Variants in P2RY6 observed in about 807,000 individuals in gnomAD.
The protein encoded by P2RY6 is P2Y purinoceptor 6.
Under a neutral mutation model 16.3 loss-of-function variants are expected in P2RY6, and 19 were observed. The observed-to-expected ratio is 1.16, with a 90% CI of 0.81 to 1.71. The LOEUF (loss-of-function observed/expected upper bound fraction) is 1.71. P2RY6 is among the 40% of genes most tolerant of loss of function. The pLI, the probability that P2RY6 is intolerant of heterozygous loss-of-function variation, is 0.00. For missense variants in P2RY6, 389 were observed against 455.5 expected (o/e 0.85, Z 1.33); for synonymous variants, 184 against 201.5 (o/e 0.91, Z 0.74).
upstream of P2RY6, among the ~76,000 whole-genome samples, chr11:73,268,763 G>T (rs1178994432): frequency 6.6e-6 from 1 of 152,224 alleles, no homozygotes; most frequent in African/African-American, 2.4e-5. Flanking sequence ...CCAGGGCTAG[G>T]CAGCCTCCTG....
At chr11:73,291,043 C>T (rs980835730) in intron 1 of P2RY6, among the ~76,000 whole-genome samples, 12 of 152,322 alleles carry the variant, frequency 7.9e-5, no homozygotes, top group African/African-American at 2.9e-4. Flanking sequence ...CTTGTATGTC[C>T]TTGAACCCCT....
At chr11:73,291,374 G>A (rs939393015) in intron 1 of P2RY6, among the ~76,000 whole-genome samples, 3 of 152,150 alleles carry the variant, frequency 2.0e-5, no homozygotes, top group African/African-American at 4.8e-5. Context: ...GACCCGCCCT[G>A]CTGGGAGTGG....
At chr11:73,268,163 C>A (rs1863167356), upstream of P2RY6, among the ~76,000 whole-genome samples, 1 of 152,228 alleles carries the variant, frequency 6.6e-6, no homozygotes, top group African/African-American at 2.4e-5. Context: ...GCTGTGCATG[C>A]ACCAGTGCAG....
intron 1 of P2RY6, among the ~76,000 whole-genome samples, chr11:73,265,014 CAG>C (rs2135671792): frequency 6.6e-6 from 1 of 152,344 alleles, no homozygotes; most frequent in East Asian, 1.9e-4. Flanking sequence ...TGGGGTAACA[CAG>C]GGGTCCACGG....
In P2RY6 at chr11:73,297,190, C is replaced by A. The variant is rs780956300; in HGVS notation, c.672C>A (p.Gly224=). ...LLACRLCRQD[G]PAEPVAQERR... The stretch of plus-strand genomic sequence containing the variant: ...CCTGCCGCCTGTGCCGCCAGGATGG[C>A]CCGGCAGAGCCTGTGGCCCAGGAGC... Residue 224 remains glycine (G), a synonymous_variant, in exon 3 of 3, where the codon GGC becomes GGA. Coordinates refer to ENST00000540124, the MANE Select transcript of P2RY6 (RefSeq NM_001277204.2). 2.5e-6 allele frequency: 4 copies of A among 1,603,592 alleles called. No individual in the cohort carries two copies. The highest frequency in any genetic ancestry group is 3.4e-6 in the Non-Finnish European group (4 of 1,179,560).
chr11:73,292,003 G>C lies in P2RY6; in HGVS notation c.-120-3727G>C, dbSNP rs547708515. On this transcript the variant is annotated intron_variant, in intron 1 of 2. Transcript: ENST00000540124. The stretch of plus-strand genomic sequence containing the variant: ...CTCCAGGTCGCCCTCTTGGAATGCT[G>C]CTTCCCCCTCTGGAGCTGGCCTCCC... Among the ~76,000 whole-genome samples the C allele has an allele frequency of 2.0e-5, 3 of 152,348 alleles. No individual in the cohort carries two copies. In the South Asian group the frequency reaches 6.2e-4, roughly 32 times the overall value.
chr11:73,289,446 T>G (rs1864104316), intron 1 of P2RY6: 1 of 152,326 alleles, frequency 6.6e-6, no homozygotes, highest in Non-Finnish European at 1.5e-5. Flanking sequence ...GGTGAGGACC[T>G]GAGAACGAGA....
chr11:73,290,303 A>AAAGAAAAGAAAG (rs1260016714), intron 1 of P2RY6, among the ~76,000 whole-genome samples: 35 of 113,110 alleles, frequency 3.1e-4, no homozygotes, highest in Admixed American at 6.0e-4. Context: ...AGAAAGAAAG[A>AAAGAAAAGAAAG]AAAGAAAGAA....
intron 1 of P2RY6, among the ~76,000 whole-genome samples, chr11:73,274,350 G>A (rs1251034652): frequency 1.3e-4 from 20 of 152,138 alleles, no homozygotes; most frequent in Admixed American, 1.3e-3. Flanking sequence ...TGAGCTGAAA[G>A]AGAAAGTTAA....
chr11:73,277,904 A>G (rs759486120), intron 1 of P2RY6, among the ~76,000 whole-genome samples: 7 of 152,192 alleles, frequency 4.6e-5, no homozygotes, highest in Non-Finnish European at 8.8e-5. Flanking sequence ...TGCTCACAAG[A>G]CTTGCAGAAA....
chr11:73,279,606 T>G (rs1260393533), intron 1 of P2RY6, among the ~76,000 whole-genome samples: 1 of 152,244 alleles, frequency 6.6e-6, no homozygotes, highest in Non-Finnish European at 1.5e-5. Flanking sequence ...ACTGGGTTCC[T>G]ACATTCTCAC....
At chr11:73,268,317 T>C (rs1863172963), upstream of P2RY6, among the ~76,000 whole-genome samples, 1 of 152,174 alleles carries the variant, frequency 6.6e-6, no homozygotes, top group Non-Finnish European at 1.5e-5. Context: ...AAAACCTCTG[T>C]GGCTCAGCAA....
At chr11:73,290,303 A>AAAAGAAAGAAAGAAAGAAAAGAAAG (rs1864161681) in intron 1 of P2RY6, among the ~76,000 whole-genome samples, 2 of 113,112 alleles carry the variant, frequency 1.8e-5, no homozygotes, top group South Asian at 5.4e-4. Context: ...AGAAAGAAAG[A>AAAAGAAAGAAAGAAAGAAAAGAAAG]AAAGAAAGAA....
At chr11:73,266,195 T>C (rs1863096801) in intron 1 of P2RY6, among the ~76,000 whole-genome samples, 2 of 152,154 alleles carry the variant, frequency 1.3e-5, no homozygotes, top group South Asian at 4.1e-4. Context: ...ACTGAATCCT[T>C]GTTGAATTCT....
intron 1 of P2RY6, among the ~76,000 whole-genome samples, chr11:73,277,820 A>C (rs752541961): frequency 1.3e-5 from 2 of 152,304 alleles, no homozygotes; most frequent in African/African-American, 2.4e-5. Flanking sequence ...CACTATCTCT[A>C]TCTTTATCTT....
At chr11:73,296,233 A>AAATATAT (rs57187973) in intron 2 of P2RY6, among the ~76,000 whole-genome samples, 73 of 124,480 alleles carry the variant, frequency 5.9e-4, no homozygotes, top group African/African-American at 1.5e-3. Context: ...GAAAAAAAAA[A>AAATATAT]ATATATATAT....
intron 1 of P2RY6, among the ~76,000 whole-genome samples, chr11:73,295,190 C>A (rs1471800553): frequency 6.6e-6 from 1 of 152,186 alleles, no homozygotes. Context: ...CATCAGGGAA[C>A]CCCTTAGGGT....
At chr11:73,266,060 A>G (rs1424761511) in intron 1 of P2RY6, among the ~76,000 whole-genome samples, 1 of 152,186 alleles carries the variant, frequency 6.6e-6, no homozygotes, top group African/African-American at 2.4e-5. Context: ...CCCCCACACA[A>G]CTGGGTCCCT....
At chr11:73,266,373 A>G (rs1263170707) in intron 1 of P2RY6, among the ~76,000 whole-genome samples, 1 of 152,124 alleles carries the variant, frequency 6.6e-6, no homozygotes, top group Non-Finnish European at 1.5e-5. Context: ...GAACCGAAAA[A>G]TGCTGGCCCT....
Sources: gnomAD v4.1 joint callset for allele counts (sites outside exome capture counted in the v4.1 genomes callset) on GRCh38, gnomAD v4.1.1 for gene constraint, MANE v1.5 for transcripts, NCBI Gene and HGNC (gene_info 2026-07-23, HGNC 2026-07-21) for gene names.